TDRD15: variants seen among roughly 807,000 people sequenced by gnomAD.
TDRD15 encodes the protein tudor domain-containing protein 15.
For missense variants in TDRD15, 1,416 were observed against 904.7 expected (o/e 1.57, Z -7.25); for synonymous variants, 503 against 314.5 (o/e 1.60, Z -6.34).
At position 21,143,244 on chromosome 2, in the gene TDRD15, C is replaced by T; in HGVS notation, c.5777C>T (p.Ala1926Val). The T allele has an allele frequency of 3.2e-6, 2 of 615,648 alleles. No individual in the cohort carries two copies. Among genetic ancestry groups the T allele is most frequent in the Non-Finnish European group, 5.9e-6 (2 of 339,594 alleles). The allele number at this position is 615,648 out of a possible 1,614,324, so 38.1% of individuals were successfully genotyped here. The change falls in exon 4 of 4, where the codon GCT becomes GTT. Residue 1926 changes from alanine to valine, a missense_variant. Ala to Val is a moderately conservative substitution (Grantham distance 64). Transcript: ENST00000405799. ...KDSPHLDAIT[A>V]TESAKNPI is the part of the protein sequence containing the mutation. ...TCACCTCATCTTGATGCAATTACTG[C>T]TACTGAATCTGCTAAAAATCCAATA... is the stretch of plus-strand genomic sequence containing the variant.
At chr2:21,127,224 T>C (rs1325736565) in intron 1 of TDRD15, among the ~76,000 whole-genome samples, 1 of 152,138 alleles carries the variant, frequency 6.6e-6, no homozygotes, top group Non-Finnish European at 1.5e-5. Context: ...TTCTAGGCTA[T>C]ATGTTTTGTA....
Position 21,142,340 on chromosome 2 carries a change from C to T in TDRD15, c.4873C>T (p.Leu1625=), listed in dbSNP as rs1196650707. The T allele has an allele frequency of 2.9e-6, 2 of 687,654 alleles. No individual in the cohort carries two copies. The highest frequency in any genetic ancestry group is 2.7e-5 in the East Asian group (1 of 37,054). 42.6% of individuals were successfully genotyped at this position (687,654 alleles called of 1,614,324 possible). A position where few individuals can be genotyped will look rare whatever the true frequency, so the allele number is the denominator to read the frequency against. Residue 1625 remains leucine, a synonymous_variant, in exon 4 of 4, where the codon CTG becomes TTG. Transcript: ENST00000405799. Reference sequence around the variant, plus strand: ...AATAGTACCTGTATGTAATACCAAGCTGCTTAGTAATGAAATAAGAAACAT... The same window carrying T: ...AATAGTACCTGTATGTAATACCAAGTTGCTTAGTAATGAAATAAGAAACAT... ...YEIVPVCNTK[L]LSNEIRNIPR...
intron 3 of TDRD15, among the ~76,000 whole-genome samples, chr2:21,136,778 C>T (rs558224285): frequency 6.6e-6 from 1 of 152,078 alleles, no homozygotes; most frequent in African/African-American, 2.4e-5. Flanking sequence ...AGATTCCTTC[C>T]CTTTTCCACT....
intron 1 of TDRD15, among the ~76,000 whole-genome samples, chr2:21,124,674 G>A (rs1354888596): frequency 4.1e-5 from 6 of 147,768 alleles, no homozygotes. Context: ...ATGTGTGACA[G>A]AGTGATCCTA....
rs144032102 is a variant in TDRD15, at chr2:21,126,012, A to ATG, written c.-200-1573_-200-1572dup. Among the ~76,000 whole-genome samples, 937 of 149,492 alleles carry ATG rather than the reference A, an allele frequency of 6.3e-3. 10 individuals carry two copies. Among genetic ancestry groups the ATG allele is most frequent in the Admixed American group, 0.032 (478 of 15,076 alleles). ...ATTCAGGTTGTGCATGTGTGTGTGT[A>ATG]TGTGTGTGTGTGTGTGTCTGTGTGT... On this transcript the variant is annotated intron_variant, in intron 1 of 3. Coordinates refer to ENST00000405799, the MANE Select transcript of TDRD15 (RefSeq NM_001306137.2).
At chr2:21,145,834 C>T (rs1666021802), downstream of TDRD15, among the ~76,000 whole-genome samples, 1 of 151,886 alleles carries the variant, frequency 6.6e-6, no homozygotes, top group Non-Finnish European at 1.5e-5. Context: ...AGTAGTTCCT[C>T]TTGGTCTAAG....
At chr2:21,134,417 A>G (rs1489669599) in intron 2 of TDRD15, among the ~76,000 whole-genome samples, 1 of 151,934 alleles carries the variant, frequency 6.6e-6, no homozygotes, top group Non-Finnish European at 1.5e-5. Context: ...TGGCTATCCC[A>G]TATTTTTGTT....
Position 21,142,246 on chromosome 2 carries a change from AT to A in TDRD15, c.4780del (p.Ser1594GlnfsTer3). ...CTAAAAATACCTTGAAATGGCATCGATCAAAAGTAGAAGAAAAGTATGTTGA... is the reference window on the plus strand; with the variant it reads ...CTAAAAATACCTTGAAATGGCATCGACAAAAGTAGAAGAAAAGTATGTTGA... ...KSKNTLKWHR[S>X]KVEEKYVDDK... On this transcript the variant is annotated frameshift_variant, in exon 4 of 4. Coordinates refer to ENST00000405799, the MANE Select transcript of TDRD15 (RefSeq NM_001306137.2). LOFTEE classifies it low-confidence loss of function (END_TRUNC). 1.4e-6 allele frequency: 1 copy of A among 700,166 alleles called. No individual in the cohort carries two copies. The highest frequency in any genetic ancestry group is 2.6e-6 in the Non-Finnish European group (1 of 379,990). 43.4% of individuals were successfully genotyped at this position (700,166 alleles called of 1,614,324 possible). A position where few individuals can be genotyped will look rare whatever the true frequency, so the allele number is the denominator to read the frequency against.
In TDRD15 at chr2:21,143,157, A is replaced by T; in HGVS notation, c.5690A>T (p.His1897Leu). Residue 1897 changes from histidine (H) to leucine (L), a missense_variant, in exon 4 of 4, where the codon CAT (histidine) becomes CTT (leucine). Transcript: ENST00000405799. Reference protein sequence around the residue: ...SETKLKVDVIHEKNNLADILV... With the variant: ...SETKLKVDVILEKNNLADILV... ...ACAAAACTGAAAGTAGATGTCATTC[A>T]TGAGAAAAACAATTTGGCAGATATA... The T allele has an allele frequency of 1.4e-6, 1 of 708,592 alleles. No homozygotes were observed. Among genetic ancestry groups the T allele is most frequent in the Non-Finnish European group, 2.6e-6 (1 of 381,900 alleles). The allele number at this position is 708,592 out of a possible 1,614,324, so 43.9% of individuals were successfully genotyped here. A position where few individuals can be genotyped will look rare whatever the true frequency, so the allele number is the denominator to read the frequency against.
In TDRD15 at chr2:21,140,987, G is replaced by C. The variant is rs1665912317; in HGVS notation, c.3520G>C (p.Gly1174Arg). ...RFTTSLKGKTGNNYRHNVINK... is the reference protein window; with the variant it reads ...RFTTSLKGKTRNNYRHNVINK... ...TACTACTTCTTTGAAAGGCAAAACA[G>C]GAAACAACTATCGCCATAATGTGAT... is the stretch of plus-strand genomic sequence containing the variant. Residue 1174 changes from glycine (G) to arginine (R), a missense_variant, in exon 4 of 4, where the codon GGA becomes CGA. Gly to Arg is a moderately radical substitution (Grantham distance 125, BLOSUM62 -2). Coordinates refer to ENST00000405799, the MANE Select transcript of TDRD15 (RefSeq NM_001306137.2). 1 of 713,898 alleles carries C rather than the reference G, an allele frequency of 1.4e-6. No individual in the cohort carries two copies. Among genetic ancestry groups the C allele is most frequent in the Non-Finnish European group, 2.6e-6 (1 of 383,394 alleles). The allele number at this position is 713,898 out of a possible 1,614,324, so 44.2% of individuals were successfully genotyped here.
downstream of TDRD15, among the ~76,000 whole-genome samples, chr2:21,145,961 C>G (rs1334529942): frequency 2.6e-5 from 4 of 152,112 alleles, no homozygotes; most frequent in Admixed American, 2.6e-4. Context: ...TCAAAAAACT[C>G]TGACGCCTGG....
At chr2:21,128,656 T>G (rs1159258810) in intron 2 of TDRD15, among the ~76,000 whole-genome samples, 1 of 152,132 alleles carries the variant, frequency 6.6e-6, no homozygotes, top group African/African-American at 2.4e-5. Context: ...TTAGCATATA[T>G]GTACTTAACT....
At position 21,140,052 on chromosome 2, in the gene TDRD15, G is replaced by T. The variant is rs1665890192; in HGVS notation, c.2585G>T (p.Arg862Ile). 1.4e-6 allele frequency: 1 copy of T among 715,928 alleles called. No individual in the cohort carries two copies. Among genetic ancestry groups the T allele is most frequent in the Non-Finnish European group, 2.6e-6 (1 of 384,020 alleles). 44.3% of individuals were successfully genotyped at this position (715,928 alleles called of 1,614,324 possible). The change falls in exon 4 of 4, where the codon AGA becomes ATA. Residue 862 changes from arginine to isoleucine, a missense_variant. Physicochemically the swap from Arg to Ile is moderately conservative, Grantham distance 97. Coordinates refer to ENST00000405799, the MANE Select transcript of TDRD15 (RefSeq NM_001306137.2). ...RFLLLESQAFRCCLNHFIEPV... is the reference protein window; with the variant it reads ...RFLLLESQAFICCLNHFIEPV... The stretch of plus-strand genomic sequence containing the variant: ...CTCTTGTTAGAAAGCCAAGCCTTCA[G>T]ATGTTGTCTTAACCATTTTATTGAG...
In TDRD15 at chr2:21,139,675, C is replaced by A; in HGVS notation, c.2208C>A (p.Thr736=). ...TCTCAGAATTTAAAAATCCTTTCAC[C>A]TTGTCTGTGGGACCTGAGTCATCCT... ...VNISEFKNPF[T]LSVGPESSWP... The change falls in exon 4 of 4, where the codon ACC becomes ACA. Residue 736 remains threonine, a synonymous_variant. Transcript: ENST00000405799. 1.4e-6 allele frequency: 1 copy of A among 713,144 alleles called. No homozygotes were observed. The highest frequency in any genetic ancestry group is 2.6e-6 in the Non-Finnish European group (1 of 383,364). The allele number at this position is 713,144 out of a possible 1,614,324, so 44.2% of individuals were successfully genotyped here.
rs1429996694 is a variant in TDRD15, at chr2:21,127,943, A to G, written c.-90+232A>G. Among the ~76,000 whole-genome samples, 5 of 152,150 alleles carry G rather than the reference A, an allele frequency of 3.3e-5. No individual in the cohort carries two copies. The East Asian group carries it at 9.6e-4, about 29-fold the overall frequency. ...CTTTAATTTCTCTTAGCAGTGTTTT[A>G]TAGTTTTAATTTTGTAAGTGTTTCA... On this transcript the variant is annotated intron_variant, in intron 2 of 3. Coordinates refer to ENST00000405799, the MANE Select transcript of TDRD15 (RefSeq NM_001306137.2).
In TDRD15 at chr2:21,144,019, A is replaced by G. The variant is rs1281607817; in HGVS notation, c.*747A>G. On this transcript the variant is annotated 3_prime_UTR_variant, in exon 4 of 4. Transcript: ENST00000405799. ...CATGTTAATAAATCTTGCTATTATTAGTGAGCTTCCTGCGCTTATTTTGAA... is the reference window on the plus strand; with the variant it reads ...CATGTTAATAAATCTTGCTATTATTGGTGAGCTTCCTGCGCTTATTTTGAA... Among the ~76,000 whole-genome samples the G allele has an allele frequency of 6.6e-6, 1 of 151,176 alleles. No individual in the cohort carries two copies. Among genetic ancestry groups the G allele is most frequent in the African/African-American group, 2.4e-5 (1 of 40,838 alleles).
rs767083528 is a variant in TDRD15, at chr2:21,143,655, T to TA, written c.*392dup. On this transcript the variant is annotated 3_prime_UTR_variant, in exon 4 of 4. Coordinates refer to ENST00000405799, the MANE Select transcript of TDRD15 (RefSeq NM_001306137.2). The stretch of plus-strand genomic sequence containing the variant: ...CAGCAGTAAAAACATTGCATGATAA[T>TA]AAAAAAAAACACAGAACACTTAAAA... Among the ~76,000 whole-genome samples the TA allele has an allele frequency of 6.1e-4, 92 of 150,660 alleles. 1 individual carries two copies. In the East Asian group the frequency reaches 0.013, roughly 21 times the overall value.
intron 1 of TDRD15, among the ~76,000 whole-genome samples, chr2:21,127,183 G>A (rs1665613841): frequency 2.6e-5 from 4 of 151,580 alleles, no homozygotes; most frequent in Admixed American, 2.0e-4. Context: ...TTATTGAGTT[G>A]TAAAAGTTCT....
downstream of TDRD15, among the ~76,000 whole-genome samples, chr2:21,147,082 A>G (rs1404273401): frequency 1.3e-5 from 2 of 152,144 alleles, no homozygotes; most frequent in Admixed American, 6.6e-5. Context: ...TGCCTGGTAC[A>G]TAATAAATGC....
Sources: gnomAD v4.1 joint callset for allele counts (sites outside exome capture counted in the v4.1 genomes callset) on GRCh38, gnomAD v4.1.1 for gene constraint, MANE v1.5 for transcripts, NCBI Gene and HGNC (gene_info 2026-07-23, HGNC 2026-07-21) for gene names.